ATAD2B: variants seen among roughly 807,000 people sequenced by gnomAD.
ATAD2B encodes the protein ATPase family AAA domain containing 2B, also known as ATPase family AAA domain-containing protein 2B.
In ATAD2B, 40 loss-of-function variants were observed where a neutral mutation model predicts 167.6. The observed-to-expected ratio is 0.24, with a 90% CI of 0.19 to 0.31. ATAD2B has a LOEUF of 0.31. Ranked by LOEUF, ATAD2B falls within the 10% of genes least tolerant of loss-of-function variation. ATAD2B has a pLI of 1.00. For synonymous variants in ATAD2B, 579 were observed against 596.5 expected (o/e 0.97, Z 0.43); for missense variants, 1,242 against 1,757.2 (o/e 0.71, Z 5.24).
At chr2:23,702,172 G>A in the ATAD2B span, among the ~76,000 whole-genome samples, 1 of 151,916 alleles carries the variant, frequency 6.6e-6, no homozygotes, top group South Asian at 2.1e-4. Flanking sequence ...CCATACTATG[G>A]GAGCACCTTG....
At chr2:23,773,939 T>C (rs1678715394) in intron 22 of ATAD2B, among the ~76,000 whole-genome samples, 1 of 152,204 alleles carries the variant, frequency 6.6e-6, no homozygotes. Flanking sequence ...TGAGTATCTA[T>C]AAAATTAATA....
At chr2:23,726,141 T>C in the ATAD2B span, among the ~76,000 whole-genome samples, 3 of 152,218 alleles carry the variant, frequency 2.0e-5, no homozygotes, top group African/African-American at 7.2e-5. Flanking sequence ...CTCATGTTCA[T>C]AGCATTATTT....
intron 12 of ATAD2B, 68 bp downstream of exon 12, chr2:23,863,312 CA>C: frequency 2.0e-6 from 3 of 1,470,576 alleles, no homozygotes; most frequent in Non-Finnish European, 2.7e-6. Context: ...GGCCCTGTCT[CA>C]AAAAAACAAA....
intron 1 of ATAD2B, among the ~76,000 whole-genome samples, chr2:23,915,404 C>T (rs967477183): frequency 2.2e-4 from 33 of 150,506 alleles, no homozygotes; most frequent in African/African-American, 7.8e-4. Flanking sequence ...TACCTATTAA[C>T]CACTGTTCTC....
chr2:23,819,680 C>T (rs2879639), intron 17 of ATAD2B, 67 bp downstream of exon 17: 1,198,653 of 1,249,920 alleles, frequency 0.96, 574,893 homozygotes, highest in East Asian at 0.98. Context: ...AAAAATATAC[C>T]ATAATTCTAA....
At chr2:23,745,680 T>G (rs1674841072), downstream of ATAD2B, among the ~76,000 whole-genome samples, 1 of 152,166 alleles carries the variant, frequency 6.6e-6, no homozygotes, top group Non-Finnish European at 1.5e-5. Flanking sequence ...CTCCCACAGT[T>G]GCTGTGATAA....
chr2:23,757,985 T>A lies in ATAD2B; in HGVS notation c.3511A>T (p.Asn1171Tyr). The A allele has an allele frequency of 1.9e-6, 3 of 1,613,324 alleles. No individual in the cohort carries two copies. The highest frequency in any genetic ancestry group is 2.5e-6 in the Non-Finnish European group (3 of 1,179,648). The change falls in exon 25 of 28, where the codon AAC (asparagine) becomes TAC (tyrosine). Residue 1171 changes from asparagine (N) to tyrosine (Y), a missense_variant. Physicochemically the swap from Asn to Tyr is moderately radical, Grantham distance 143. Coordinates refer to ENST00000238789, the MANE Select transcript of ATAD2B (RefSeq NM_017552.4). ...EEDTKFADYENHTEDRKLLEN... is the reference protein window; with the variant it reads ...EEDTKFADYEYHTEDRKLLEN... ...AATAATTTCCTGTCCTCCGTATGGT[T>A]CTCATAGTCTGCAAATTTGGTGTCT...
chr2:23,773,631 T>C (rs12614616), intron 22 of ATAD2B, among the ~76,000 whole-genome samples: 2 of 152,164 alleles, frequency 1.3e-5, no homozygotes, highest in East Asian at 3.8e-4. Flanking sequence ...TTTAAAATTG[T>C]GTGGGAATAG....
Position 23,863,407 on chromosome 2 carries a change from T to A in ATAD2B, c.1453A>T (p.Arg485Trp), listed in dbSNP as rs1404020334. Residue 485 changes from arginine (R) to tryptophan (W), a missense_variant, in exon 12 of 28, where the codon AGG (arginine) becomes TGG (tryptophan). Arg to Trp is a moderately radical substitution (Grantham distance 101, BLOSUM62 -3). Around this residue, in one of 9 missense-constraint regions of ATAD2B, gnomAD observed 151 missense variants for 284.1 expected, o/e 0.53. Transcript: ENST00000238789. ...TGATCAAAAAGAAGCCTAAGTTGCC[T>A]TTCAGATTCACCAACCCACTTGCTC... is the stretch of plus-strand genomic sequence containing the variant. ...CLSKWVGESE[R>W]QLRLLFDQAY... 1 of 1,552,120 alleles carries A rather than the reference T, an allele frequency of 6.4e-7. No individual in the cohort carries two copies. Among genetic ancestry groups the A allele is most frequent in the Non-Finnish European group, 8.7e-7 (1 of 1,147,124 alleles).
chr2:23,864,976 G>T (rs752434532), intron 10 of ATAD2B, 52 bp from the exon 11 acceptor site: 76 of 1,108,332 alleles, frequency 6.9e-5, no homozygotes, highest in Non-Finnish European at 8.6e-5. Flanking sequence ...ATGTTTTATA[G>T]AATTTTTAAA....
At chr2:23,862,436 A>T (rs1479221630) in intron 12 of ATAD2B, among the ~76,000 whole-genome samples, 19 of 122,262 alleles carry the variant, frequency 1.6e-4, no homozygotes, top group African/African-American at 5.9e-4. Context: ...TGAGAGACAG[A>T]GTCTCACTCT....
At chr2:23,696,421 C>A in the ATAD2B span, 4 of 1,551,334 alleles carry the variant, frequency 2.6e-6, no homozygotes, top group Non-Finnish European at 3.5e-6. This position sits in a 1 kb window ranked among gnomAD's most constrained non-coding sequence, Gnocchi z 5.5. Flanking sequence ...GAATGACAGT[C>A]CCCCGCTGTC....
chr2:23,711,989 G>A, the ATAD2B span, among the ~76,000 whole-genome samples: 2 of 152,144 alleles, frequency 1.3e-5, no homozygotes, highest in Admixed American at 1.3e-4. Flanking sequence ...TCAGAAAAGT[G>A]GCTTGCCCGG....
In ATAD2B at chr2:23,769,712, GT is replaced by G. The variant is rs1266284550; in HGVS notation, c.3134-4085del. Among the ~76,000 whole-genome samples the G allele has an allele frequency of 3.5e-3, 445 of 128,046 alleles. 1 individual carries two copies. The highest frequency in any genetic ancestry group is 6.3e-3 in the African/African-American group (216 of 34,142). 84.0% of individuals were successfully genotyped at this position (128,046 alleles called of 152,430 possible). A position where few individuals can be genotyped will look rare whatever the true frequency, so the allele number is the denominator to read the frequency against. On this transcript the variant is annotated intron_variant, in intron 22 of 27. Coordinates refer to ENST00000238789, the MANE Select transcript of ATAD2B (RefSeq NM_017552.4). ...AGTGTTTAATGGTGTCTCACTGTGG[GT>G]TTTTTTTTTTTTTTTTTTTTGAGAC... is the stretch of plus-strand genomic sequence containing the variant.
intron 27 of ATAD2B, 39 bp downstream of exon 27, chr2:23,754,140 C>T: frequency 7.0e-7 from 1 of 1,430,168 alleles, no homozygotes; most frequent in Admixed American, 3.2e-5. Flanking sequence ...CAAGTAAAAT[C>T]AAGTATTTGT....
intron 16 of ATAD2B, among the ~76,000 whole-genome samples, chr2:23,822,157 T>C (rs979733116): frequency 2.0e-5 from 3 of 152,332 alleles, no homozygotes; most frequent in East Asian, 1.9e-4. Flanking sequence ...AGAAGCATTA[T>C]AGCAACATAG....
chr2:23,746,571 TA>T (rs1441985564), downstream of ATAD2B, among the ~76,000 whole-genome samples: 47 of 152,174 alleles, frequency 3.1e-4, 1 homozygote, highest in African/African-American at 1.1e-3. Flanking sequence ...AACTGACAGC[TA>T]TTACACTAGT....
the ATAD2B span, chr2:23,684,482 G>A: frequency 6.4e-7 from 1 of 1,551,252 alleles, no homozygotes; most frequent in Admixed American, 2.0e-5. The surrounding 1 kb of genome is among the most constrained non-coding windows in gnomAD (Gnocchi z 4.4). Context: ...AGAGTTTGAA[G>A]TCCACCAAAA....
chr2:23,731,724 G>A, the ATAD2B span, among the ~76,000 whole-genome samples: 2 of 152,176 alleles, frequency 1.3e-5, no homozygotes, highest in Admixed American at 6.5e-5. Context: ...AGTGGTTCAT[G>A]CCTATAATCT....
Sources: gnomAD v4.1 joint callset for allele counts (sites outside exome capture counted in the v4.1 genomes callset) on GRCh38, gnomAD v4.1.1 for gene constraint, gnomAD v4.1.1 regional missense constraint, Gnocchi (gnomAD v3.1) non-coding constraint, MANE v1.5 for transcripts, NCBI Gene and HGNC (gene_info 2026-07-23, HGNC 2026-07-21) for gene names.